The following IMMP2L variants were observed in gnomAD, a reference collection of about 807,000 sequenced individuals.
IMMP2L encodes the protein mitochondrial inner membrane protease subunit 2.
Under a neutral mutation model 19.3 loss-of-function variants are expected in IMMP2L, and 18 were observed. The observed-to-expected ratio is 0.93, with a 90% CI of 0.64 to 1.38. The LOEUF is 1.38. Among genes scored for constraint, IMMP2L ranks in the 40% most tolerant of loss-of-function variants. The probability of loss-of-function intolerance (pLI) is 0.00; values close to 1 mark genes in which losing one functional copy is unlikely to be tolerated. For missense variants in IMMP2L, 233 were observed against 218.2 expected (o/e 1.07, Z -0.43); for synonymous variants, 76 against 73.0 (o/e 1.04, Z -0.21).
Position 111,440,763 on chromosome 7 carries a change from G to C in IMMP2L, c.239+46475C>G, listed in dbSNP as rs554489713. ...TGCACTGACCTCTCCTCTGTAGCTA[G>C]AGAACTCCTAGATGGTATCTTCTTC... is the stretch of plus-strand genomic sequence containing the variant. On this transcript the variant is annotated intron_variant, in intron 3 of 5. Transcript: ENST00000405709. Among the ~76,000 whole-genome samples, 18 of 152,018 alleles carry C rather than the reference G, an allele frequency of 1.2e-4. No homozygotes were observed. The South Asian group carries it at 3.7e-3, about 31-fold the overall frequency.
chr7:111,140,341 T>G (rs1231157505), intron 3 of IMMP2L, among the ~76,000 whole-genome samples: 1 of 152,138 alleles, frequency 6.6e-6, no homozygotes, highest in African/African-American at 2.4e-5. Flanking sequence ...AAGGCAGATA[T>G]GACATGAAGT....
At chr7:111,094,137 C>T (rs1797156353) in intron 3 of IMMP2L, among the ~76,000 whole-genome samples, 1 of 152,100 alleles carries the variant, frequency 6.6e-6, no homozygotes, top group Admixed American at 6.5e-5. Context: ...TCACTCCTCC[C>T]CCCGAATCTG....
intron 3 of IMMP2L, among the ~76,000 whole-genome samples, chr7:111,428,437 C>T (rs1585059915): frequency 6.6e-6 from 1 of 151,408 alleles, no homozygotes; most frequent in East Asian, 1.9e-4. Context: ...CCTTACTGCC[C>T]TAAATAAAAC....
At chr7:110,771,030 G>A (rs1415178649) in intron 5 of IMMP2L, among the ~76,000 whole-genome samples, 5 of 152,112 alleles carry the variant, frequency 3.3e-5, no homozygotes, top group African/African-American at 1.2e-4. Flanking sequence ...GCCTGGGCAG[G>A]GGACTGAAAT....
chr7:111,283,240 G>A (rs1820100781), intron 3 of IMMP2L, among the ~76,000 whole-genome samples: 1 of 152,080 alleles, frequency 6.6e-6, no homozygotes, highest in Admixed American at 6.6e-5. Flanking sequence ...AATCAAAAGG[G>A]GAATCAGAAG....
intron 3 of IMMP2L, among the ~76,000 whole-genome samples, chr7:111,015,319 G>A (rs1037840738): frequency 9.9e-5 from 15 of 152,090 alleles, no homozygotes; most frequent in Admixed American, 8.5e-4. Flanking sequence ...GACAAATACT[G>A]TATGATTCCA....
At position 110,730,672 on chromosome 7, in the gene IMMP2L, C is replaced by G. The variant is rs569860227; in HGVS notation, c.409-66951G>C. ...CCCCAGCAGCTGGGATTACAGGCGC[C>G]AGCCACCACGCCCAGCTAATTTTTT... On this transcript the variant is annotated intron_variant, in intron 5 of 5. Transcript: ENST00000405709. 8.5e-5 allele frequency among the ~76,000 whole-genome samples: 13 copies of G among 152,232 alleles called. No homozygotes were observed. The South Asian group carries it at 1.7e-3, about 19-fold the overall frequency.
chr7:111,341,789 G>A (rs1827033426), intron 3 of IMMP2L, among the ~76,000 whole-genome samples: 1 of 152,170 alleles, frequency 6.6e-6, no homozygotes, highest in Admixed American at 6.6e-5. Context: ...GGGTTGAAAG[G>A]TGAGGCCTAA....
At chr7:110,993,268 T>A (rs1822679361) in intron 3 of IMMP2L, among the ~76,000 whole-genome samples, 1 of 152,156 alleles carries the variant, frequency 6.6e-6, no homozygotes, top group Non-Finnish European at 1.5e-5. Flanking sequence ...TGCCTCTCCT[T>A]CTTCCTTGCT....
chr7:110,799,794 A>G (rs1801120395), intron 5 of IMMP2L, among the ~76,000 whole-genome samples: 1 of 152,184 alleles, frequency 6.6e-6, no homozygotes, highest in East Asian at 1.9e-4. Flanking sequence ...TTCACTGGCA[A>G]TATCGATGGT....
At chr7:111,306,320 T>C (rs961973237) in intron 3 of IMMP2L, among the ~76,000 whole-genome samples, 1 of 152,070 alleles carries the variant, frequency 6.6e-6, no homozygotes, top group Admixed American at 6.6e-5. Flanking sequence ...TGGGTGATGA[T>C]GTGTCAATGT....
rs979129904 is a variant in IMMP2L at position 111,069,110 on chromosome 7, T to G, written c.240-105545A>C. Among the ~76,000 whole-genome samples the G allele has an allele frequency of 2.6e-5, 4 of 152,238 alleles. No homozygotes were observed. In the South Asian group the frequency reaches 8.3e-4, roughly 31 times the overall value. Reference sequence around the variant, plus strand: ...ACTTAAGCAAATAACTTCATTATTTTATTTTGTAATGTTCCCATCTTTAAA... The same window carrying G: ...ACTTAAGCAAATAACTTCATTATTTGATTTTGTAATGTTCCCATCTTTAAA... On this transcript the variant is annotated intron_variant, in intron 3 of 5. Coordinates refer to ENST00000405709, the MANE Select transcript of IMMP2L (RefSeq NM_032549.4).
intron 3 of IMMP2L, among the ~76,000 whole-genome samples, chr7:111,228,771 C>G (rs1813385134): frequency 1.3e-5 from 2 of 151,948 alleles, no homozygotes; most frequent in South Asian, 4.1e-4. Context: ...TATAGCATAT[C>G]CTATGGCTAT....
At chr7:110,908,791 C>T (rs1237324574) in intron 4 of IMMP2L, among the ~76,000 whole-genome samples, 2 of 152,140 alleles carry the variant, frequency 1.3e-5, no homozygotes, top group African/African-American at 4.8e-5. Flanking sequence ...TAACTGGATT[C>T]ACAAATGAAA....
chr7:110,942,977 C>G (rs1389739415), intron 4 of IMMP2L, among the ~76,000 whole-genome samples: 2 of 151,740 alleles, frequency 1.3e-5, no homozygotes, highest in African/African-American at 4.8e-5. Context: ...ATATATTGAC[C>G]ACACAATCTC....
At chr7:111,374,596 G>C (rs1323236161) in intron 3 of IMMP2L, among the ~76,000 whole-genome samples, 1 of 152,054 alleles carries the variant, frequency 6.6e-6, no homozygotes, top group African/African-American at 2.4e-5. Context: ...ATTTTTCACA[G>C]TATAAAGGGG....
At chr7:111,408,187 C>T (rs1020142853) in intron 3 of IMMP2L, among the ~76,000 whole-genome samples, 1 of 149,322 alleles carries the variant, frequency 6.7e-6, no homozygotes, top group African/African-American at 2.6e-5. Flanking sequence ...ATGGTAAGTT[C>T]CCTGTAAGTA....
At chr7:110,958,362 A>G (rs1040502557) in intron 4 of IMMP2L, among the ~76,000 whole-genome samples, 1 of 152,076 alleles carries the variant, frequency 6.6e-6, no homozygotes, top group Non-Finnish European at 1.5e-5. Context: ...ACACAGGTGT[A>G]CAAAGGTATG....
At chr7:111,505,827 G>C (rs1020648821) in intron 2 of IMMP2L, among the ~76,000 whole-genome samples, 3 of 152,044 alleles carry the variant, frequency 2.0e-5, no homozygotes, top group African/African-American at 4.8e-5. Flanking sequence ...TTGTGGGGTG[G>C]GGGGAGCGGG....
Sources: gnomAD v4.1 joint callset for allele counts (sites outside exome capture counted in the v4.1 genomes callset) on GRCh38, gnomAD v4.1.1 for gene constraint, MANE v1.5 for transcripts, NCBI Gene and HGNC (gene_info 2026-07-23, HGNC 2026-07-21) for gene names.